PLS1: variants seen among roughly 807,000 people sequenced by gnomAD.
PLS1 encodes the protein plastin-1.
In PLS1, 32 loss-of-function variants were observed where a neutral mutation model predicts 73.7. The ratio of observed to expected loss-of-function variants is 0.43; its 90% CI spans 0.33 to 0.58. PLS1 has a LOEUF of 0.58. PLS1 is among the 20% of genes least tolerant of loss of function. The pLI, the probability that PLS1 is intolerant of heterozygous loss-of-function variation, is 0.04. For synonymous variants in PLS1, 217 were observed against 261.3 expected (o/e 0.83, Z 1.63); for missense variants, 633 against 740.5 (o/e 0.85, Z 1.68).
chr3:142,656,485 C>T (rs1412165969), intron 1 of PLS1: 2 of 152,208 alleles, frequency 1.3e-5, no homozygotes, highest in Non-Finnish European at 2.9e-5. Flanking sequence ...TTATATTCAA[C>T]AGTCAGTAGA....
At chr3:142,711,074 T>G (rs955294266) in intron 14 of PLS1, among the ~76,000 whole-genome samples, 2 of 152,212 alleles carry the variant, frequency 1.3e-5, no homozygotes, top group East Asian at 3.8e-4. Context: ...ACAATGTCTT[T>G]GTAAGTGTTA....
At chr3:142,644,915 A>G (rs567988252) in intron 1 of PLS1, among the ~76,000 whole-genome samples, 21 of 152,322 alleles carry the variant, frequency 1.4e-4, no homozygotes, top group Middle Eastern at 3.4e-3. Context: ...TCCAGAAGCA[A>G]AAGGTATAAT....
intron 1 of PLS1, among the ~76,000 whole-genome samples, chr3:142,647,592 TC>T (rs2108628707): frequency 6.6e-6 from 1 of 151,274 alleles, no homozygotes; most frequent in South Asian, 2.1e-4. Context: ...AACCTCTGCC[TC>T]CCGGGTTCAT....
intron 1 of PLS1, among the ~76,000 whole-genome samples, chr3:142,607,251 C>T (rs1198068334): frequency 6.6e-6 from 1 of 152,084 alleles, no homozygotes; most frequent in Non-Finnish European, 1.5e-5. Context: ...TATACTCCCA[C>T]ACTGACATAC....
intron 1 of PLS1, among the ~76,000 whole-genome samples, chr3:142,620,225 A>G (rs1042058400): frequency 2.0e-5 from 3 of 152,054 alleles, no homozygotes; most frequent in Admixed American, 6.6e-5. Flanking sequence ...CCCAGGTTCA[A>G]GTGATTCTTC....
intron 1 of PLS1, among the ~76,000 whole-genome samples, chr3:142,652,691 T>C (rs2037124435): frequency 6.6e-6 from 1 of 152,228 alleles, no homozygotes; most frequent in Admixed American, 6.5e-5. Flanking sequence ...GTTTCAAAAC[T>C]GAATAGCACC....
chr3:142,669,356 A>T, intron 2 of PLS1, 34 bp from the exon 3 acceptor site: 1 of 1,282,522 alleles, frequency 7.8e-7, no homozygotes, highest in East Asian at 2.6e-5. Context: ...TTCAACAAAG[A>T]TTACAAAATA....
intron 12 of PLS1, among the ~76,000 whole-genome samples, chr3:142,698,642 AATG>A (rs749333254): frequency 6.6e-6 from 1 of 152,210 alleles, no homozygotes; most frequent in South Asian, 2.1e-4. Flanking sequence ...ATAGAAAAAT[AATG>A]ATGAATAATA....
chr3:142,641,264 ATATG>A (rs2036832933), intron 1 of PLS1, among the ~76,000 whole-genome samples: 1 of 145,680 alleles, frequency 6.9e-6, no homozygotes, highest in South Asian at 2.1e-4. Context: ...TCTATATATT[ATATG>A]TATTATCTAT....
rs941460022 is a variant in PLS1, at chr3:142,713,473, A to G, written c.*1466A>G. ...TACAAAAGAGATTTCTTTCCCTTTT[A>G]TATTTTGATGATTGTTTTCTTAAGA... On this transcript the variant is annotated 3_prime_UTR_variant, in exon 16 of 16. Coordinates refer to ENST00000457734, the MANE Select transcript of PLS1 (RefSeq NM_001145319.2). 4 of 152,556 alleles carry G rather than the reference A, an allele frequency of 2.6e-5. No individual in the cohort carries two copies. The highest frequency in any genetic ancestry group is 9.7e-5 in the African/African-American group (4 of 41,448). 9.5% of individuals were successfully genotyped at this position (152,556 alleles called of 1,614,324 possible). A position where few individuals can be genotyped will look rare whatever the true frequency, so the allele number is the denominator to read the frequency against.
intron 1 of PLS1, among the ~76,000 whole-genome samples, chr3:142,619,877 A>G (rs1279732522): frequency 6.6e-6 from 1 of 152,166 alleles, no homozygotes; most frequent in East Asian, 1.9e-4. Context: ...GATTACTCAG[A>G]GGTATAATGG....
At chr3:142,660,874 A>C (rs1167218137) in intron 1 of PLS1, among the ~76,000 whole-genome samples, 1 of 152,222 alleles carries the variant, frequency 6.6e-6, no homozygotes, top group Non-Finnish European at 1.5e-5. Flanking sequence ...ATTTTATGTA[A>C]TTAACAAATT....
In PLS1 at chr3:142,678,048, T is replaced by C. The variant is rs1459711002; in HGVS notation, c.514T>C (p.Ser172Pro). 1.3e-5 allele frequency: 20 copies of C among 1,527,556 alleles called. No homozygotes were observed. The highest frequency in any genetic ancestry group is 1.7e-5 in the Non-Finnish European group (19 of 1,127,158). The allele number at this position is 1,527,556 out of a possible 1,614,324, so 94.6% of individuals were successfully genotyped here. The change falls in exon 6 of 16, where the codon TCT becomes CCT. Residue 172 changes from serine (S) to proline (P), a missense_variant. Ser to Pro is a moderately conservative substitution (Grantham distance 74). Coordinates refer to ENST00000457734, the MANE Select transcript of PLS1 (RefSeq NM_001145319.2). ...TCTCTTTAGCAAAATGATCAACTTA[T>C]CTGAACCAGATACAATTGATGAAAG... ...GILLCKMINL[S>P]EPDTIDERAI...
intron 1 of PLS1, among the ~76,000 whole-genome samples, chr3:142,617,932 C>G (rs1341274178): frequency 1.3e-5 from 2 of 152,114 alleles, no homozygotes; most frequent in Non-Finnish European, 2.9e-5. Flanking sequence ...GAGCTGAGAT[C>G]GTGCCACTGC....
At chr3:142,695,481 A>G (rs2038173597) in intron 11 of PLS1, among the ~76,000 whole-genome samples, 1 of 152,202 alleles carries the variant, frequency 6.6e-6, no homozygotes, top group Non-Finnish European at 1.5e-5. Context: ...CTGGATGAGG[A>G]GATATACGTC....
At chr3:142,688,060 A>G (rs2038009511) in intron 9 of PLS1, among the ~76,000 whole-genome samples, 1 of 150,534 alleles carries the variant, frequency 6.6e-6, no homozygotes, top group African/African-American at 2.4e-5. Context: ...TGATTCTCCT[A>G]CCTCCACTTC....
At chr3:142,676,844 A>G (rs1457931304) in intron 5 of PLS1, among the ~76,000 whole-genome samples, 1 of 152,212 alleles carries the variant, frequency 6.6e-6, no homozygotes, top group Admixed American at 6.5e-5. Flanking sequence ...TAGTTTATAA[A>G]AAGTACAAAA....
chr3:142,643,175 G>GA (rs2036877951), intron 1 of PLS1, among the ~76,000 whole-genome samples: 1 of 152,154 alleles, frequency 6.6e-6, no homozygotes, highest in African/African-American at 2.4e-5. Context: ...GAGGTTGAGG[G>GA]AACAAGGCCT....
intron 14 of PLS1, among the ~76,000 whole-genome samples, chr3:142,708,703 ATTAAC>A (rs1932969444): frequency 1.3e-5 from 2 of 152,254 alleles, no homozygotes; most frequent in Admixed American, 1.3e-4. Flanking sequence ...TTTCTTTATG[ATTAAC>A]TTAAGGAAAT....
Sources: gnomAD v4.1 joint callset for allele counts (sites outside exome capture counted in the v4.1 genomes callset) on GRCh38, gnomAD v4.1.1 for gene constraint, MANE v1.5 for transcripts, NCBI Gene and HGNC (gene_info 2026-07-23, HGNC 2026-07-21) for gene names.